Variants in ALG1 observed in about 807,000 individuals in gnomAD.
ALG1 encodes ALG1 chitobiosyldiphosphodolichol beta-mannosyltransferase.
In ALG1, 58 loss-of-function variants were observed where a neutral mutation model predicts 55.1. The ratio of observed to expected loss-of-function variants is 1.05; its 90% CI spans 0.85 to 1.31. The LOEUF (loss-of-function observed/expected upper bound fraction) is 1.31. Ranked by LOEUF, ALG1 falls within the 50% of genes most tolerant of loss-of-function variation. ALG1 has a pLI of 0.00. For synonymous variants in ALG1, 309 were observed against 247.0 expected, an observed-to-expected ratio of 1.25 and a Z score of -2.35; for missense variants, 761 against 598.6, an observed-to-expected ratio of 1.27 and a Z score of -2.83.
chr16:5,073,541 C>T (rs1170049126), intron 3 of ALG1: 3 of 476,420 alleles, frequency 6.3e-6, no homozygotes, highest in Non-Finnish European at 7.6e-6. Context: ...GTAGGTAATA[C>T]AAGAACCTGT....
Position 5,085,279 on chromosome 16 carries a change from G to A in ALG1, c.*398G>A. 1 of 490,158 alleles carries A rather than the reference G, an allele frequency of 2.0e-6. No homozygotes were observed. Among genetic ancestry groups the A allele is most frequent in the Non-Finnish European group, 3.7e-6 (1 of 268,748 alleles). The allele number at this position is 490,158 out of a possible 1,614,324, so 30.4% of individuals were successfully genotyped here. On this transcript the variant is annotated 3_prime_UTR_variant, in exon 13 of 13. Transcript: ENST00000262374. The stretch of plus-strand genomic sequence containing the variant: ...GCTGCACCGTAAGCCCAGGGATGTG[G>A]CAGCTGCAGTGGGCTTGGCTTTGTG...
At chr16:5,083,150 A>G (rs1449121421) in intron 11 of ALG1, among the ~76,000 whole-genome samples, 2 of 152,108 alleles carry the variant, frequency 1.3e-5, no homozygotes, top group Admixed American at 1.3e-4. Context: ...CCCAGCGTAG[A>G]CGGGTGTTTG....
At chr16:5,073,612 C>T (rs1956858950) in intron 3 of ALG1, among the ~76,000 whole-genome samples, 1 of 152,224 alleles carries the variant, frequency 6.6e-6, no homozygotes, top group Non-Finnish European at 1.5e-5. Flanking sequence ...CTGTAAGTAG[C>T]CCATCGCCAT....
intron 4 of ALG1, 139 bp downstream of exon 4, chr16:5,075,675 G>A (rs150202932): frequency 2.3e-5 from 25 of 1,064,484 alleles, no homozygotes; most frequent in African/African-American, 3.1e-5. Flanking sequence ...GAATCAGGCC[G>A]AATGCTGGTT....
intron 11 of ALG1, 109 bp from the exon 12 acceptor site, chr16:5,083,573 A>G: frequency 6.3e-7 from 1 of 1,579,756 alleles, no homozygotes; most frequent in South Asian, 1.1e-5. Context: ...CCCTGTTCCA[A>G]CCCCCAGCCT....
At chr16:5,084,306 T>C in intron 12 of ALG1, 1 of 348,528 alleles carries the variant, frequency 2.9e-6, no homozygotes, top group South Asian at 2.6e-5. Flanking sequence ...GGTGTGGCTT[T>C]GTTCCAATAA....
Position 5,086,084 on chromosome 16 carries a change from C to A in ALG1, c.*1203C>A, listed in dbSNP as rs4786594. On this transcript the variant is annotated 3_prime_UTR_variant, in exon 13 of 13. Coordinates refer to ENST00000262374, the MANE Select transcript of ALG1 (RefSeq NM_019109.5). ...GGCACAGTGGCTCATGCCTGTAATCCCAACACTTTGGGAGGCCAAGGCGGG... is the reference window on the plus strand; with the variant it reads ...GGCACAGTGGCTCATGCCTGTAATCACAACACTTTGGGAGGCCAAGGCGGG... Among the ~76,000 whole-genome samples, 38,475 of 152,112 alleles carry A rather than the reference C, an allele frequency of 0.25. 5,551 individuals carry two copies. The highest frequency in any genetic ancestry group is 0.34 in the Middle Eastern group (100 of 294).
At position 5,080,807 on chromosome 16, in the gene ALG1, C is replaced by T. The variant is rs574156856; in HGVS notation, c.962-139C>T. The T allele has an allele frequency of 1.2e-4, 146 of 1,227,942 alleles. No homozygotes were observed. The African/African-American group carries it at 1.5e-3, about 13-fold the overall frequency. The allele number at this position is 1,227,942 out of a possible 1,614,324, so 76.1% of individuals were successfully genotyped here. A position where few individuals can be genotyped will look rare whatever the true frequency, so the allele number is the denominator to read the frequency against. On this transcript the variant is annotated intron_variant, in intron 9 of 12. Coordinates refer to ENST00000262374, the MANE Select transcript of ALG1 (RefSeq NM_019109.5). ...CTCCTGGGTTGCTTCTGGAAGGGCC[C>T]GGATGGGGCCTGACTGGAGCTGCTG... is the stretch of plus-strand genomic sequence containing the variant.
chr16:5,078,982 T>C, intron 7 of ALG1, 82 bp from the exon 8 acceptor site: 1 of 1,595,590 alleles, frequency 6.3e-7, no homozygotes, highest in Non-Finnish European at 8.5e-7. Context: ...CCTGCCACGG[T>C]CTCAATGAGA....
Position 5,087,011 on chromosome 16 carries a change from G to T in ALG1, c.*2130G>T, listed in dbSNP as rs1292960949. 6.6e-6 allele frequency: 1 copy of T among 152,170 alleles called. No homozygotes were observed. Among genetic ancestry groups the T allele is most frequent in the Admixed American group, 6.5e-5 (1 of 15,272 alleles). 9.4% of individuals were successfully genotyped at this position (152,170 alleles called of 1,614,324 possible). A position where few individuals can be genotyped will look rare whatever the true frequency, so the allele number is the denominator to read the frequency against. ...TTTCAATCACAGTTTTTTGTTACGAGTGGAAAATGCGTATTTATAAGAATG... is the reference window on the plus strand; with the variant it reads ...TTTCAATCACAGTTTTTTGTTACGATTGGAAAATGCGTATTTATAAGAATG... On this transcript the variant is annotated 3_prime_UTR_variant, in exon 13 of 13. Coordinates refer to ENST00000262374, the MANE Select transcript of ALG1 (RefSeq NM_019109.5).
In ALG1 at chr16:5,085,998, C is replaced by T. The variant is rs1353093451; in HGVS notation, c.*1117C>T. The stretch of plus-strand genomic sequence containing the variant: ...GTGTCTGCCCCAGCACTTGGCACAG[C>T]GGGACAGAAGCAGAGATCTGAATAG... On this transcript the variant is annotated 3_prime_UTR_variant, in exon 13 of 13. Transcript: ENST00000262374. Among the ~76,000 whole-genome samples, 3 of 152,154 alleles carry T rather than the reference C, an allele frequency of 2.0e-5. No homozygotes were observed. Among genetic ancestry groups the T allele is most frequent in the African/African-American group, 7.2e-5 (3 of 41,456 alleles).
In ALG1 at chr16:5,079,093, G is replaced by C. The variant is rs1273404386; in HGVS notation, c.892G>C (p.Ala298Pro). ...EDEDFSILLA[A>P]LEKFEQLTLD... is the part of the protein sequence containing the mutation. ...CGAAGACTTCTCCATCCTGCTGGCAGCTTTAGAAAGTAGGTGTGTGGCTGC... is the reference window on the plus strand; with the variant it reads ...CGAAGACTTCTCCATCCTGCTGGCACCTTTAGAAAGTAGGTGTGTGGCTGC... The change falls in exon 8 of 13, where the codon GCT becomes CCT. Residue 298 changes from alanine (A) to proline (P), a missense_variant. Ala to Pro is a conservative substitution (Grantham distance 27). Transcript: ENST00000262374. 6.3e-7 allele frequency: 1 copy of C among 1,597,408 alleles called. No individual in the cohort carries two copies. The highest frequency in any genetic ancestry group is 8.5e-7 in the Non-Finnish European group (1 of 1,179,634).
chr16:5,083,357 G>A (rs1273194422), intron 11 of ALG1, among the ~76,000 whole-genome samples: 2 of 152,178 alleles, frequency 1.3e-5, no homozygotes, highest in Non-Finnish European at 2.9e-5. Flanking sequence ...TCCCCAGGGC[G>A]TTGCCTTTAC....
In ALG1 at chr16:5,083,681, GT is replaced by G. The variant is rs1957058117; in HGVS notation, c.1190del (p.Leu397TyrfsTer5). The G allele has an allele frequency of 6.2e-7, 1 of 1,600,758 alleles. No individual in the cohort carries two copies. Among genetic ancestry groups the G allele is most frequent in the South Asian group, 1.1e-5 (1 of 91,000 alleles). The part of the protein sequence containing the change: ...CLPVCAVNFK[C>X]LHELVKHEEN... ...TCAGGCTCCCTTGGTTCTCTCTGCA[GT>G]TTACATGAGCTGGTGAAACATGAAG... On this transcript the variant is annotated frameshift_variant and splice_region_variant, in exon 12 of 13. Coordinates refer to ENST00000262374, the MANE Select transcript of ALG1 (RefSeq NM_019109.5). LOFTEE classifies it high-confidence loss of function.
Position 5,082,756 on chromosome 16 carries a change from C to T in ALG1, c.1187+83C>T, listed in dbSNP as rs932890350. The T allele has an allele frequency of 2.0e-5, 30 of 1,523,892 alleles. No individual in the cohort carries two copies. In the African/African-American group the frequency reaches 3.7e-4, roughly 19 times the overall value. The allele number at this position is 1,523,892 out of a possible 1,614,324, so 94.4% of individuals were successfully genotyped here. ...GAAGCAGTGCAGAGGGAGCTGCCCA[C>T]AGTGAGGCCCTGCCCCTCGGTCAGT... is the stretch of plus-strand genomic sequence containing the variant. On this transcript the variant is annotated intron_variant, in intron 11 of 12. Coordinates refer to ENST00000262374, the MANE Select transcript of ALG1 (RefSeq NM_019109.5).
At chr16:5,076,469 C>G (rs1269517039) in intron 4 of ALG1, among the ~76,000 whole-genome samples, 1 of 152,248 alleles carries the variant, frequency 6.6e-6, no homozygotes, top group Non-Finnish European at 1.5e-5. Flanking sequence ...AGTCAGGAAA[C>G]TGAGGCTGAG....
In ALG1 at chr16:5,075,415, G is replaced by C; in HGVS notation, c.418G>C (p.Val140Leu). The C allele has an allele frequency of 6.2e-7, 1 of 1,614,144 alleles. No individual in the cohort carries two copies. The highest frequency in any genetic ancestry group is 8.5e-7 in the Non-Finnish European group (1 of 1,180,036). ...QNPPGLPSIA[V>L]CWFVGCLCGS... is the part of the protein sequence containing the mutation. ...CCCCCCAGGTCTGCCTAGCATTGCT[G>C]TCTGCTGGTTCGTGGGCTGCCTTTG... The change falls in exon 4 of 13, where the codon GTC becomes CTC. Residue 140 changes from valine to leucine, a missense_variant. Physicochemically the swap from Val to Leu is conservative, Grantham distance 32. Transcript: ENST00000262374.
chr16:5,072,409 C>T, intron 1 of ALG1: 1 of 533,910 alleles, frequency 1.9e-6, no homozygotes, highest in Admixed American at 3.6e-5. Context: ...ATATTTCATT[C>T]CTCATCCCTC....
Position 5,085,801 on chromosome 16 carries a change from G to T in ALG1, c.*920G>T, listed in dbSNP as rs1259290376. The T allele has an allele frequency of 1.6e-6, 2 of 1,251,692 alleles. No individual in the cohort carries two copies. Among genetic ancestry groups the T allele is most frequent in the Admixed American group, 3.4e-5 (2 of 59,454 alleles). The allele number at this position is 1,251,692 out of a possible 1,614,324, so 77.5% of individuals were successfully genotyped here. ...ACAGGACATGAGGGTATTGTGTGGG[G>T]CTGCTAGGACAGGCCTGGCGGGGTA... On this transcript the variant is annotated 3_prime_UTR_variant, in exon 13 of 13. Coordinates refer to ENST00000262374, the MANE Select transcript of ALG1 (RefSeq NM_019109.5).
Sources: allele counts gnomAD v4.1 joint callset (sites outside exome capture counted in the v4.1 genomes callset), GRCh38; gene constraint gnomAD v4.1.1; transcripts MANE v1.5; gene names NCBI Gene and HGNC (gene_info 2026-07-23, HGNC 2026-07-21).